The following CACNA1E variants were observed in gnomAD, a reference collection of about 807,000 sequenced individuals.
CACNA1E encodes voltage-dependent R-type calcium channel subunit alpha-1E.
In CACNA1E, 40 loss-of-function variants were observed where a neutral mutation model predicts 259.2. The observed-to-expected ratio is 0.15, with a 90% CI of 0.12 to 0.20. The LOEUF (loss-of-function observed/expected upper bound fraction) is 0.20, where lower values mean the gene tolerates loss of function less well. CACNA1E is among the 10% of genes least tolerant of loss of function. CACNA1E has a pLI of 1.00. For synonymous variants in CACNA1E, 1,104 were observed against 1,138.5 expected (o/e 0.97, Z 0.61); for missense variants, 1,874 against 3,040.1 (o/e 0.62, Z 9.02).
chr1:181,594,238 G>A (rs2103035399), intron 6 of CACNA1E, among the ~76,000 whole-genome samples: 1 of 151,992 alleles, frequency 6.6e-6, no homozygotes, highest in South Asian at 2.1e-4. Flanking sequence ...AGCAGGTTGA[G>A]TTTTCTTTTC....
intron 3 of CACNA1E, among the ~76,000 whole-genome samples, chr1:181,565,108 C>T (rs925586263): frequency 4.6e-5 from 7 of 152,182 alleles, no homozygotes; most frequent in African/African-American, 1.7e-4. Flanking sequence ...ACAAGAGAGT[C>T]AGCCTGTCTT....
chr1:181,623,473 T>C (rs1302305345), intron 6 of CACNA1E, among the ~76,000 whole-genome samples: 1 of 152,200 alleles, frequency 6.6e-6, no homozygotes, highest in Non-Finnish European at 1.5e-5. Flanking sequence ...AATTTAGAAA[T>C]TACTGTTAAA....
In CACNA1E at chr1:181,763,296, A is replaced by AGACT. The variant is rs1658745725; in HGVS notation, c.4690-108_4690-105dup. On this transcript the variant is annotated intron_variant, in intron 33 of 47. Coordinates refer to ENST00000367573, the MANE Select transcript of CACNA1E (RefSeq NM_001205293.3). ...CTGGAATTGGGGTTAACAAAGACAG[A>AGACT]GACTGTGTCCCATTTATCGGAATGA... is the stretch of plus-strand genomic sequence containing the variant. The AGACT allele has an allele frequency of 5.5e-5, 51 of 921,788 alleles. 1 individual carries two copies. In the South Asian group the frequency reaches 8.8e-4, roughly 16 times the overall value. 57.1% of individuals were successfully genotyped at this position (921,788 alleles called of 1,614,324 possible).
intron 40 of CACNA1E, among the ~76,000 whole-genome samples, chr1:181,784,104 C>G (rs765334304): frequency 3.3e-5 from 5 of 152,122 alleles, no homozygotes; most frequent in Non-Finnish European, 5.9e-5. Flanking sequence ...TTTATTTTCT[C>G]TGAAGTCTTG....
intron 3 of CACNA1E, among the ~76,000 whole-genome samples, chr1:181,557,366 C>T (rs1276365475): frequency 6.6e-6 from 1 of 152,168 alleles, no homozygotes; most frequent in African/African-American, 2.4e-5. Context: ...CTTTGTTTTG[C>T]CCTCTGGAAA....
At chr1:181,675,017 G>A (rs1649228986) in intron 7 of CACNA1E, among the ~76,000 whole-genome samples, 1 of 152,150 alleles carries the variant, frequency 6.6e-6, no homozygotes, top group Non-Finnish European at 1.5e-5. Flanking sequence ...AATCAATTTA[G>A]CAAATTTTCT....
chr1:181,441,290 T>C lies in CACNA1E; in HGVS notation c.434+27710T>C, dbSNP rs545355608. On this transcript the variant is annotated intron_variant, in intron 2 of 11. Coordinates refer to the CACNA1E transcript ENST00000524607. Reference sequence around the variant, plus strand: ...AGCAGAAGTCCAGAGTACCTGGGACTACAAGCGCCTGCCACCACACCCAGC... The same window carrying C: ...AGCAGAAGTCCAGAGTACCTGGGACCACAAGCGCCTGCCACCACACCCAGC... Among the ~76,000 whole-genome samples the C allele has an allele frequency of 7.2e-5, 11 of 152,274 alleles. No individual in the cohort carries two copies. The South Asian group carries it at 2.3e-3, about 32-fold the overall frequency.
At chr1:181,742,295 TC>T (rs1213856958) in intron 25 of CACNA1E, among the ~76,000 whole-genome samples, 2 of 152,156 alleles carry the variant, frequency 1.3e-5, no homozygotes, top group African/African-American at 4.8e-5. Context: ...GTGAAAGAAG[TC>T]ACTGAGCCTA....
chr1:181,583,198 T>G (rs76889591), intron 6 of CACNA1E, among the ~76,000 whole-genome samples: 21,095 of 152,088 alleles, frequency 0.14, 1,923 homozygotes, highest in African/African-American at 0.25. Flanking sequence ...CTAGTCAGCT[T>G]AGTATTATAA....
chr1:181,374,183 G>A (rs891388467), intron 1 of CACNA1E, among the ~76,000 whole-genome samples: 1 of 152,116 alleles, frequency 6.6e-6, no homozygotes, highest in African/African-American at 2.4e-5. Context: ...ATGTGTCCCA[G>A]AAAGTCTGGT....
chr1:181,686,150 T>C (rs1464800241), intron 7 of CACNA1E, among the ~76,000 whole-genome samples: 3 of 152,158 alleles, frequency 2.0e-5, no homozygotes, highest in Non-Finnish European at 4.4e-5. Flanking sequence ...CCTATCCTTG[T>C]CCGGTGAACC....
At chr1:181,617,313 T>C (rs1655313078) in intron 6 of CACNA1E, among the ~76,000 whole-genome samples, 1 of 151,938 alleles carries the variant, frequency 6.6e-6, no homozygotes, top group Admixed American at 6.6e-5. Context: ...GAGTTGTTAG[T>C]GTGTGTTTTG....
At chr1:181,419,542 C>T (rs615513) in intron 2 of CACNA1E, among the ~76,000 whole-genome samples, 31,431 of 152,094 alleles carry the variant, frequency 0.21, 3,659 homozygotes, top group African/African-American at 0.31. Flanking sequence ...TATTGTTTCC[C>T]CAACGGACAC....
chr1:181,318,526 C>G (rs575642598), intron 1 of CACNA1E, among the ~76,000 whole-genome samples: 7 of 152,294 alleles, frequency 4.6e-5, no homozygotes, highest in Admixed American at 6.5e-5. Flanking sequence ...AGCCAGGCTC[C>G]GAGAAGGGAG....
At chr1:181,750,296 C>G (rs913189737) in intron 25 of CACNA1E, among the ~76,000 whole-genome samples, 180 bp from the exon 26 acceptor site, 1 of 152,238 alleles carries the variant, frequency 6.6e-6, no homozygotes, top group Non-Finnish European at 1.5e-5. Flanking sequence ...TGTGGACACT[C>G]TAAGTGCCAA....
In CACNA1E at chr1:181,767,289, A is replaced by G. The variant is rs541929097; in HGVS notation, c.4881+678A>G. Among the ~76,000 whole-genome samples the G allele has an allele frequency of 9.2e-5, 14 of 152,250 alleles. No individual in the cohort carries two copies. The South Asian group carries it at 2.7e-3, about 29-fold the overall frequency. On this transcript the variant is annotated intron_variant, in intron 35 of 47. Transcript: ENST00000367573. The stretch of plus-strand genomic sequence containing the variant: ...AGAGGCCTACTAAGCAGAAGAAGCC[A>G]AAGGATCTTTCAAAGATGATGGTGG...
At chr1:181,653,730 T>C (rs916403151) in intron 7 of CACNA1E, among the ~76,000 whole-genome samples, 1 of 152,238 alleles carries the variant, frequency 6.6e-6, no homozygotes. Context: ...TGTCATTGGA[T>C]TTAGGGTCAT....
At chr1:181,494,769 C>G (rs573334806) in intron 1 of CACNA1E, among the ~76,000 whole-genome samples, 2 of 152,254 alleles carry the variant, frequency 1.3e-5, no homozygotes, top group Admixed American at 6.5e-5. Flanking sequence ...GAGTGAGCTC[C>G]CCACCCTAAG....
At chr1:181,686,666 G>T (rs1052889690) in intron 7 of CACNA1E, among the ~76,000 whole-genome samples, 1 of 152,146 alleles carries the variant, frequency 6.6e-6, no homozygotes, top group Non-Finnish European at 1.5e-5. Flanking sequence ...GTAGCAAGGT[G>T]ATGAGGCTCT....
Sources: gnomAD v4.1 joint callset for allele counts (sites outside exome capture counted in the v4.1 genomes callset) on GRCh38, gnomAD v4.1.1 for gene constraint, MANE v1.5 for transcripts, NCBI Gene and HGNC (gene_info 2026-07-23, HGNC 2026-07-21) for gene names.